The following SPECC1 variants were observed in gnomAD, a reference collection of about 807,000 sequenced individuals.
SPECC1 encodes sperm antigen with calponin homology and coiled-coil domains 1, also known as cytospin-B.
In SPECC1, 62 loss-of-function variants were observed where a neutral mutation model predicts 104.1. The ratio of observed to expected loss-of-function variants is 0.60; its 90% CI spans 0.49 to 0.74. SPECC1 has a LOEUF of 0.74. Ranked by LOEUF, SPECC1 falls within the 30% of genes least tolerant of loss-of-function variation. SPECC1 has a pLI of 0.00. For missense variants in SPECC1, 1,306 were observed against 1,310.5 expected (o/e 1.00, Z 0.05); for synonymous variants, 513 against 501.6 (o/e 1.02, Z -0.30).
intron 14 of SPECC1, among the ~76,000 whole-genome samples, chr17:20,311,608 G>T (rs563514833): frequency 1.3e-5 from 2 of 152,152 alleles, no homozygotes; most frequent in Admixed American, 6.5e-5. Flanking sequence ...TGCCAGGCCT[G>T]CCTTGAACTC....
At chr17:20,312,959 A>G (rs1396033447) in intron 14 of SPECC1, among the ~76,000 whole-genome samples, 4 of 152,204 alleles carry the variant, frequency 2.6e-5, no homozygotes, top group Admixed American at 1.3e-4. Context: ...TTACTTTTCC[A>G]TGGCATCTCT....
rs552334179 is a variant in SPECC1 at position 20,228,083 on chromosome 17, A to G, written c.2071+463A>G. Among the ~76,000 whole-genome samples the G allele has an allele frequency of 2.0e-5, 3 of 152,332 alleles. No homozygotes were observed. The East Asian group carries it at 5.8e-4, about 29-fold the overall frequency. ...AACAATCATTAATCTCCAGTTTAAAAACTAGAGATTAAGAGATCAATGATC... is the reference window on the plus strand; with the variant it reads ...AACAATCATTAATCTCCAGTTTAAAGACTAGAGATTAAGAGATCAATGATC... On this transcript the variant is annotated intron_variant, in intron 5 of 14. Coordinates refer to ENST00000395527, the MANE Select transcript of SPECC1 (RefSeq NM_001243439.2).
At position 20,034,945 on chromosome 17, in the gene SPECC1, C is replaced by T. The variant is rs573848800; in HGVS notation, c.-22+25521C>T. Among the ~76,000 whole-genome samples, 11 of 152,208 alleles carry T rather than the reference C, an allele frequency of 7.2e-5. No individual in the cohort carries two copies. In the East Asian group the frequency reaches 1.9e-3, roughly 27 times the overall value. On this transcript the variant is annotated intron_variant, in intron 1 of 14. Coordinates refer to ENST00000395527, the MANE Select transcript of SPECC1 (RefSeq NM_001243439.2). ...TATAGATGTATATCTTATGTTTAGT[C>T]CTTGAGTCATTTTGAGTTAATTTTT...
At chr17:20,060,326 A>G (rs2152470699) in intron 1 of SPECC1, among the ~76,000 whole-genome samples, 1 of 152,292 alleles carries the variant, frequency 6.6e-6, no homozygotes, top group Middle Eastern at 3.4e-3. Context: ...TGCGGTTTCT[A>G]CAACTATTTC....
At chr17:20,282,101 C>G (rs1168203078) in intron 12 of SPECC1, among the ~76,000 whole-genome samples, 3 of 152,272 alleles carry the variant, frequency 2.0e-5, no homozygotes, top group Non-Finnish European at 4.4e-5. Context: ...CAACCAGACC[C>G]TGTGTCACAA....
intron 4 of SPECC1, among the ~76,000 whole-genome samples, chr17:20,223,382 T>C (rs1034340654): frequency 1.3e-5 from 2 of 152,190 alleles, no homozygotes; most frequent in Non-Finnish European, 1.5e-5. Flanking sequence ...TTTAAAAAAT[T>C]ATTTCAATCT....
intron 7 of SPECC1, among the ~76,000 whole-genome samples, chr17:20,240,498 A>C (rs552581799): frequency 6.6e-6 from 1 of 151,944 alleles, no homozygotes; most frequent in Non-Finnish European, 1.5e-5. Flanking sequence ...CCTTCTCCCC[A>C]GTATTATACA....
At chr17:20,061,898 T>C (rs2046196459) in intron 1 of SPECC1, among the ~76,000 whole-genome samples, 2 of 152,208 alleles carry the variant, frequency 1.3e-5, no homozygotes, top group Non-Finnish European at 2.9e-5. Context: ...TACTTACTTT[T>C]CTATTTTTCC....
intron 3 of SPECC1, among the ~76,000 whole-genome samples, chr17:20,121,131 C>T (rs1489317485): frequency 9.2e-5 from 14 of 152,178 alleles, no homozygotes; most frequent in African/African-American, 3.4e-4. Context: ...CCTGCCTGCA[C>T]TGTGCCGGCT....
chr17:20,210,810 G>T (rs2037094020), intron 4 of SPECC1, among the ~76,000 whole-genome samples: 1 of 152,088 alleles, frequency 6.6e-6, no homozygotes, highest in African/African-American at 2.4e-5. Flanking sequence ...TCCACTTGCA[G>T]TCCCACCCCA....
chr17:20,074,074 G>C (rs1393216323), intron 1 of SPECC1, among the ~76,000 whole-genome samples: 7 of 152,136 alleles, frequency 4.6e-5, no homozygotes, highest in African/African-American at 1.7e-4. Flanking sequence ...TCCCATCCAG[G>C]GTGAATAGGG....
At chr17:20,185,377 A>G (rs563859559) in intron 3 of SPECC1, among the ~76,000 whole-genome samples, 142 of 152,310 alleles carry the variant, frequency 9.3e-4, no homozygotes, top group African/African-American at 3.3e-3. Flanking sequence ...TTGCGGGGGC[A>G]CTTGTGCTTG....
intron 13 of SPECC1, among the ~76,000 whole-genome samples, chr17:20,303,883 G>A (rs1045822164): frequency 6.6e-5 from 10 of 151,950 alleles, no homozygotes; most frequent in African/African-American, 2.4e-4. Flanking sequence ...AACCCAAGAG[G>A]CAGAGGTGGC....
intron 14 of SPECC1, among the ~76,000 whole-genome samples, chr17:20,311,334 T>C (rs537320828): frequency 6.6e-6 from 1 of 152,278 alleles, no homozygotes; most frequent in East Asian, 1.9e-4. Flanking sequence ...CATTTGTTTC[T>C]TTTTCATGCC....
intron 4 of SPECC1, among the ~76,000 whole-genome samples, chr17:20,211,619 A>G (rs2037153813): frequency 6.6e-6 from 1 of 152,146 alleles, no homozygotes; most frequent in Non-Finnish European, 1.5e-5. Context: ...GTGGCCCGGA[A>G]CTCATGGCAT....
chr17:20,023,083 G>A (rs907558669), intron 1 of SPECC1, among the ~76,000 whole-genome samples: 5 of 152,156 alleles, frequency 3.3e-5, no homozygotes, highest in African/African-American at 9.7e-5. Context: ...AGTTCTAAAC[G>A]AGGGATCTGA....
chr17:20,307,465 C>T (rs1416044010), intron 14 of SPECC1, among the ~76,000 whole-genome samples: 1 of 152,176 alleles, frequency 6.6e-6, no homozygotes, highest in Non-Finnish European at 1.5e-5. Flanking sequence ...AGAGCAAGTG[C>T]CTCCTATCTT....
intron 9 of SPECC1, among the ~76,000 whole-genome samples, chr17:20,247,702 C>G (rs1360892862): frequency 6.6e-6 from 1 of 152,102 alleles, no homozygotes; most frequent in East Asian, 1.9e-4. Context: ...AGCCACTGTT[C>G]TACTGATAGA....
At chr17:20,244,671 T>C (rs1353115377) in intron 7 of SPECC1, among the ~76,000 whole-genome samples, 3 of 151,912 alleles carry the variant, frequency 2.0e-5, no homozygotes, top group South Asian at 2.1e-4. Context: ...AGTAGCTAGA[T>C]TAATTTGAAA....
Sources: gnomAD v4.1 joint callset for allele counts (sites outside exome capture counted in the v4.1 genomes callset) on GRCh38, gnomAD v4.1.1 for gene constraint, MANE v1.5 for transcripts, NCBI Gene and HGNC (gene_info 2026-07-23, HGNC 2026-07-21) for gene names.